Variants in STK39 observed in about 807,000 individuals in gnomAD.
The protein encoded by STK39 is STE20/SPS1-related proline-alanine-rich protein kinase.
Under a neutral mutation model 77.8 loss-of-function variants are expected in STK39, and 20 were observed. The observed-to-expected ratio is 0.26, with a 90% CI of 0.18 to 0.37. The LOEUF (loss-of-function observed/expected upper bound fraction) is 0.37, where lower values mean the gene tolerates loss of function less well. Ranked by LOEUF, STK39 falls within the 10% of genes least tolerant of loss-of-function variation. STK39 has a pLI of 1.00. For missense variants in STK39, 479 were observed against 656.5 expected (o/e 0.73, Z 2.95); for synonymous variants, 246 against 234.1 (o/e 1.05, Z -0.47).
At chr2:168,240,783 T>C (rs1021093815) in intron 1 of STK39, among the ~76,000 whole-genome samples, 1 of 152,192 alleles carries the variant, frequency 6.6e-6, no homozygotes, top group Non-Finnish European at 1.5e-5. Flanking sequence ...GATGTGGTAA[T>C]TGAAGCTTCA....
At chr2:168,175,594 G>A (rs755676365) in intron 2 of STK39, among the ~76,000 whole-genome samples, 79 of 152,268 alleles carry the variant, frequency 5.2e-4, no homozygotes, top group Non-Finnish European at 9.7e-4. Context: ...AATTATACAT[G>A]TTCCTAAGCT....
At chr2:167,955,616 C>G (rs755138174) in intron 17 of STK39, 46 bp from the exon 18 acceptor site, 9 of 1,578,360 alleles carry the variant, frequency 5.7e-6, no homozygotes, top group Non-Finnish European at 7.8e-6. Flanking sequence ...GCTGCTGCTG[C>G]TGGTTGTTAA....
At chr2:168,006,652 T>C (rs1366717602) in intron 16 of STK39, among the ~76,000 whole-genome samples, 1 of 152,222 alleles carries the variant, frequency 6.6e-6, no homozygotes, top group Non-Finnish European at 1.5e-5. Context: ...ATGCATGTCC[T>C]CTAGTTTTTC....
At chr2:168,141,476 T>TAC (rs1321348352) in intron 5 of STK39, among the ~76,000 whole-genome samples, 3 of 152,206 alleles carry the variant, frequency 2.0e-5, no homozygotes, top group African/African-American at 7.2e-5. Context: ...AACCTATATA[T>TAC]ACATACAGGC....
chr2:168,159,816 G>A lies in STK39; in HGVS notation c.628+1971C>T, dbSNP rs1688524043. 1.3e-5 allele frequency among the ~76,000 whole-genome samples: 2 copies of A among 152,138 alleles called. 1 individual carries two copies. The highest frequency in any genetic ancestry group is 4.1e-4 in the South Asian group (2 of 4,830). On this transcript the variant is annotated intron_variant, in intron 5 of 17. Transcript: ENST00000355999. ...AAGTCCCGGATGGCTGGAACACAAA[G>A]TCCTCAGCACATGCCAGGCATAGAA...
intron 16 of STK39, among the ~76,000 whole-genome samples, chr2:167,975,952 T>G (rs1683266184): frequency 6.6e-6 from 1 of 152,224 alleles, no homozygotes; most frequent in African/African-American, 2.4e-5. Context: ...CTCCCTTTGC[T>G]GAAGGAGGCA....
chr2:168,197,506 G>A (rs995833431), intron 1 of STK39, among the ~76,000 whole-genome samples: 1 of 152,164 alleles, frequency 6.6e-6, no homozygotes, highest in Non-Finnish European at 1.5e-5. Flanking sequence ...GCAGGGGAAG[G>A]AACAATAAAA....
chr2:168,146,047 C>T (rs1326360827), intron 5 of STK39, among the ~76,000 whole-genome samples: 1 of 152,220 alleles, frequency 6.6e-6, no homozygotes, highest in Admixed American at 6.5e-5. Context: ...TCCAGTCCAA[C>T]TGTAGACTAT....
At chr2:168,112,568 T>A (rs939999269) in intron 10 of STK39, among the ~76,000 whole-genome samples, 7 of 152,182 alleles carry the variant, frequency 4.6e-5, no homozygotes, top group African/African-American at 1.7e-4. Context: ...CCCAGCCATG[T>A]GGAACTGTGA....
chr2:168,135,688 A>G, intron 8 of STK39, among the ~76,000 whole-genome samples: 1 of 152,200 alleles, frequency 6.6e-6, no homozygotes, highest in Admixed American at 6.5e-5. Context: ...TAATTCAACA[A>G]TGTTGCTTTT....
intron 5 of STK39, among the ~76,000 whole-genome samples, chr2:168,156,063 A>T (rs1688421109): frequency 6.6e-6 from 1 of 152,182 alleles, no homozygotes; most frequent in South Asian, 2.1e-4. Flanking sequence ...GTAAAGGCCC[A>T]ATGTCAGTGC....
chr2:168,147,694 G>A (rs78811351), intron 5 of STK39, among the ~76,000 whole-genome samples: 1 of 152,092 alleles, frequency 6.6e-6, no homozygotes, highest in Non-Finnish European at 1.5e-5. Context: ...GAGCTAACAT[G>A]GGGGAATATA....
chr2:168,237,346 T>G (rs2105273350), intron 1 of STK39, among the ~76,000 whole-genome samples: 1 of 152,340 alleles, frequency 6.6e-6, no homozygotes, highest in South Asian at 2.1e-4. Context: ...GATTTTGGGC[T>G]GAGACAATGG....
chr2:167,957,310 A>C (rs1350581320), intron 17 of STK39, among the ~76,000 whole-genome samples: 1 of 152,208 alleles, frequency 6.6e-6, no homozygotes, highest in African/African-American at 2.4e-5. Flanking sequence ...AAAGATGTTC[A>C]GAGAAGTAAA....
intron 5 of STK39, among the ~76,000 whole-genome samples, chr2:168,151,832 C>T (rs1044903779): frequency 2.0e-5 from 3 of 151,840 alleles, no homozygotes; most frequent in Admixed American, 1.3e-4. Context: ...TCAATCAAGA[C>T]ACCACAGGCT....
intron 16 of STK39, among the ~76,000 whole-genome samples, chr2:167,986,567 C>T (rs1321419191): frequency 6.6e-6 from 1 of 152,178 alleles, no homozygotes; most frequent in Non-Finnish European, 1.5e-5. Flanking sequence ...AATTTGCTGT[C>T]TTTCAGCCTT....
intron 7 of STK39, 96 bp downstream of exon 7, chr2:168,140,193 G>C (rs1687944682): frequency 1.9e-6 from 2 of 1,064,898 alleles, no homozygotes; most frequent in Admixed American, 1.8e-5. Flanking sequence ...ATTCTCCTCG[G>C]GTCTAAGAGA....
intron 1 of STK39, among the ~76,000 whole-genome samples, chr2:168,183,621 G>C (rs1216037910): frequency 6.6e-6 from 1 of 152,198 alleles, no homozygotes; most frequent in Non-Finnish European, 1.5e-5. Flanking sequence ...TTCAACAGAA[G>C]ACAAACAACC....
intron 14 of STK39, among the ~76,000 whole-genome samples, chr2:168,053,620 C>T (rs1463631155): frequency 6.6e-6 from 1 of 152,124 alleles, no homozygotes; most frequent in Non-Finnish European, 1.5e-5. Context: ...TGTCCTCTTG[C>T]TCAGTTGTCA....
Sources: allele counts gnomAD v4.1 joint callset (sites outside exome capture counted in the v4.1 genomes callset), GRCh38; gene constraint gnomAD v4.1.1; transcripts MANE v1.5; gene names NCBI Gene and HGNC (gene_info 2026-07-23, HGNC 2026-07-21).